MICU1: variants seen among roughly 807,000 people sequenced by gnomAD.
The protein encoded by MICU1 is mitochondrial calcium uptake 1, also known as calcium uptake protein 1, mitochondrial.
In MICU1, 45 loss-of-function variants were observed where a neutral mutation model predicts 56.8. The ratio of observed to expected loss-of-function variants is 0.79; its 90% confidence interval spans 0.62 to 1.02. MICU1 has a LOEUF of 1.02. Ranked by LOEUF, MICU1 falls within the 50% of genes least tolerant of loss-of-function variation. The pLI is 0.00. For missense variants in MICU1, 504 were observed against 587.1 expected, an observed-to-expected ratio of 0.86 and a Z score of 1.46; for synonymous variants, 186 against 195.1, an observed-to-expected ratio of 0.95 and a Z score of 0.39.
chr10:72,407,309 T>C (rs995470086), intron 10 of MICU1, among the ~76,000 whole-genome samples: 21 of 152,184 alleles, frequency 1.4e-4, no homozygotes, highest in African/African-American at 4.3e-4. Context: ...CAAGCAAATA[T>C]AGCAAAATGT....
intron 1 of MICU1, among the ~76,000 whole-genome samples, chr10:72,579,790 C>T (rs146253593): frequency 0.022 from 3,273 of 152,070 alleles, 120 homozygotes; most frequent in African/African-American, 0.075. Context: ...TAAACTTTGT[C>T]TCATGCAAAA....
chr10:72,462,475 G>T (rs1865667230), intron 8 of MICU1, among the ~76,000 whole-genome samples: 1 of 152,110 alleles, frequency 6.6e-6, no homozygotes, highest in Admixed American at 6.5e-5. Flanking sequence ...GTGCTAGCTA[G>T]TATTTTTATT....
In MICU1 at chr10:72,605,679, G is replaced by A. The variant is rs573324020; in HGVS notation, c.-2+20331C>T. Among the ~76,000 whole-genome samples, 342 of 152,318 alleles carry A rather than the reference G, an allele frequency of 2.2e-3. 3 individuals carry two copies. Among genetic ancestry groups the A allele is most frequent in the Non-Finnish European group, 3.7e-3 (249 of 68,020 alleles). The stretch of plus-strand genomic sequence containing the variant: ...CACTGTAGTAGATATGAGTAGTTTA[G>A]AGATGATTTAAAGTATACAGGAGGA... On this transcript the variant is annotated intron_variant, in intron 1 of 11. Transcript: ENST00000361114.
At chr10:72,568,943 A>G (rs1589350833) in intron 1 of MICU1, among the ~76,000 whole-genome samples, 1 of 150,294 alleles carries the variant, frequency 6.7e-6, no homozygotes, top group Admixed American at 6.6e-5. Context: ...TAGTAGAGAC[A>G]GGGTTTCACC....
chr10:72,587,007 A>C (rs946985825), intron 1 of MICU1, among the ~76,000 whole-genome samples: 4 of 152,138 alleles, frequency 2.6e-5, no homozygotes, highest in African/African-American at 9.7e-5. Context: ...AAAAGCACCA[A>C]ATCTCAGGGC....
intron 9 of MICU1, 148 bp downstream of exon 9, chr10:72,423,086 T>C (rs1267863288): frequency 1.9e-6 from 2 of 1,072,312 alleles, no homozygotes; most frequent in Non-Finnish European, 2.6e-6. Context: ...CTTATTTCTT[T>C]TCTCCCTACG....
chr10:72,533,467 T>C (rs1839545377), intron 5 of MICU1, among the ~76,000 whole-genome samples: 1 of 152,214 alleles, frequency 6.6e-6, no homozygotes, highest in Non-Finnish European at 1.5e-5. Flanking sequence ...TTAATCTTTA[T>C]GATGACTATT....
chr10:72,495,162 A>T (rs1866795188), intron 6 of MICU1, among the ~76,000 whole-genome samples: 1 of 148,006 alleles, frequency 6.8e-6, no homozygotes, highest in South Asian at 2.1e-4. Context: ...ATTTTCTTCA[A>T]ATTCATGTTA....
Position 72,551,227 on chromosome 10 carries a change from G to C in MICU1, c.445C>G (p.Pro149Ala), listed in dbSNP as rs1416524563. Residue 149 changes from proline to alanine, a missense_variant, in exon 4 of 12, where the codon CCA becomes GCA. Transcript: ENST00000361114. ...EPGEAEVFMT[P>A]EDFVRSITPN... ...GTTATGGATCGCACAAAATCTTCTGGTGTCATAAACACTTCTGCTTCACCA... is the reference window on the plus strand; with the variant it reads ...GTTATGGATCGCACAAAATCTTCTGCTGTCATAAACACTTCTGCTTCACCA... 1.2e-6 allele frequency: 2 copies of C among 1,608,934 alleles called. No individual in the cohort carries two copies. The highest frequency in any genetic ancestry group is 1.7e-6 in the Non-Finnish European group (2 of 1,177,574).
At chr10:72,528,119 C>A (rs548731171) in intron 5 of MICU1, among the ~76,000 whole-genome samples, 1 of 152,200 alleles carries the variant, frequency 6.6e-6, no homozygotes, top group African/African-American at 2.4e-5. Context: ...AGCCTCTGGG[C>A]CTAGCCCAGA....
At chr10:72,602,801 T>A (rs1243961121) in intron 1 of MICU1, among the ~76,000 whole-genome samples, 1 of 152,130 alleles carries the variant, frequency 6.6e-6, no homozygotes, top group Non-Finnish European at 1.5e-5. Context: ...AATGAAAGAA[T>A]CAATACTTAA....
chr10:72,587,739 G>A (rs1190989141), intron 1 of MICU1, among the ~76,000 whole-genome samples: 5 of 151,870 alleles, frequency 3.3e-5, no homozygotes, highest in Non-Finnish European at 7.4e-5. Context: ...AGCTGAGATC[G>A]CACCACTGCA....
chr10:72,427,673 G>C (rs1294878364), intron 8 of MICU1, among the ~76,000 whole-genome samples: 2 of 150,900 alleles, frequency 1.3e-5, no homozygotes, highest in Non-Finnish European at 2.9e-5. Context: ...GCTGACATGG[G>C]TGGATCGCTT....
intron 3 of MICU1, among the ~76,000 whole-genome samples, chr10:72,552,459 T>C (rs1840057989): frequency 1.3e-5 from 2 of 152,192 alleles, no homozygotes; most frequent in South Asian, 4.1e-4. Flanking sequence ...AGAAAATGTG[T>C]CAAGGCAATA....
intron 6 of MICU1, among the ~76,000 whole-genome samples, chr10:72,489,393 T>C (rs377107808): frequency 8.6e-5 from 13 of 151,602 alleles, no homozygotes; most frequent in Admixed American, 5.3e-4. Flanking sequence ...CTCTATAAGG[T>C]AGATAGTTGT....
In MICU1 at chr10:72,368,093, G is replaced by C; in HGVS notation, c.*102C>G. 5 of 1,255,058 alleles carry C rather than the reference G, an allele frequency of 4.0e-6. No individual in the cohort carries two copies. The highest frequency in any genetic ancestry group is 2.2e-6 in the Non-Finnish European group (2 of 906,346). 77.7% of individuals were successfully genotyped at this position (1,255,058 alleles called of 1,614,324 possible). On this transcript the variant is annotated 3_prime_UTR_variant, in exon 12 of 12. Coordinates refer to ENST00000361114, the MANE Select transcript of MICU1 (RefSeq NM_001195518.2). Reference sequence around the variant, plus strand: ...GTCCTGAGGTCATCCCGGGAGGAAGGGGGACTACTTCCAGAAGCAGCAGCA... The same window carrying C: ...GTCCTGAGGTCATCCCGGGAGGAAGCGGGACTACTTCCAGAAGCAGCAGCA...
chr10:72,603,079 G>A (rs534107159), intron 1 of MICU1, among the ~76,000 whole-genome samples: 3 of 152,086 alleles, frequency 2.0e-5, no homozygotes, highest in South Asian at 2.1e-4. Context: ...GCAGTGAGCC[G>A]AGATCATGCC....
At chr10:72,454,347 G>A (rs190125586) in intron 8 of MICU1, among the ~76,000 whole-genome samples, 9 of 151,812 alleles carry the variant, frequency 5.9e-5, no homozygotes, top group South Asian at 4.2e-4. Context: ...CCAGCTACTC[G>A]GGAGGCTGAG....
At chr10:72,522,574 T>C (rs1867854807) in intron 5 of MICU1, among the ~76,000 whole-genome samples, 1 of 152,154 alleles carries the variant, frequency 6.6e-6, no homozygotes, top group Non-Finnish European at 1.5e-5. Flanking sequence ...CAAACTTTAG[T>C]AGTGGTGGAA....
Sources: allele counts gnomAD v4.1 joint callset (sites outside exome capture counted in the v4.1 genomes callset), GRCh38; gene constraint gnomAD v4.1.1; transcripts MANE v1.5; gene names NCBI Gene and HGNC (gene_info 2026-07-23, HGNC 2026-07-21).